CDC73: variants seen among roughly 807,000 people sequenced by gnomAD.
CDC73 encodes the protein cell division cycle 73.
A neutral mutation model predicts 83.7 loss-of-function variants in CDC73; 21 were observed. The ratio of observed to expected loss-of-function variants is 0.25; its 90% confidence interval spans 0.18 to 0.36. The LOEUF (loss-of-function observed/expected upper bound fraction) is 0.36. CDC73 is among the 10% of genes least tolerant of loss of function. The probability of loss-of-function intolerance (pLI) is 1.00; values close to 1 mark genes in which losing one functional copy is unlikely to be tolerated. For synonymous variants in CDC73, 224 were observed against 212.9 expected (o/e 1.05, Z -0.45); for missense variants, 342 against 653.3 (o/e 0.52, Z 5.19).
chr1:193,135,045 T>C (rs571850990), intron 3 of CDC73, among the ~76,000 whole-genome samples: 1 of 73,722 alleles, frequency 1.4e-5, no homozygotes, highest in Non-Finnish European at 4.3e-5. Context: ...TATATATGTG[T>C]GTGTATGTGT....
intron 2 of CDC73, 22 bp from the exon 3 acceptor site, chr1:193,130,152 T>TC: frequency 8.8e-7 from 1 of 1,131,304 alleles, no homozygotes; most frequent in African/African-American, 1.5e-5. Flanking sequence ...ATTTCATATC[T>TC]CATTTAAAAT....
chr1:193,169,405 C>T (rs796653270), intron 10 of CDC73, among the ~76,000 whole-genome samples: 83 of 152,040 alleles, frequency 5.5e-4, no homozygotes, highest in African/African-American at 1.8e-3. Context: ...ATTAGCTGGG[C>T]GTGGTGGCAC....
At chr1:193,182,731 C>T (rs1316021870) in intron 10 of CDC73, among the ~76,000 whole-genome samples, 1 of 152,018 alleles carries the variant, frequency 6.6e-6, no homozygotes, top group Non-Finnish European at 1.5e-5. Flanking sequence ...CAGTGCATAG[C>T]ACAGATTTGT....
chr1:193,166,875 A>G lies in CDC73; in HGVS notation c.972+14431A>G, dbSNP rs1676443971. Among the ~76,000 whole-genome samples the G allele has an allele frequency of 2.0e-5, 3 of 152,118 alleles. No homozygotes were observed. The South Asian group carries it at 6.2e-4, about 32-fold the overall frequency. ...TGGTCAGGCTGGTCACAAATTTTTA[A>G]TGACAAGTACAATGCATGATAATAA... On this transcript the variant is annotated intron_variant, in intron 10 of 16. Coordinates refer to ENST00000367435, the MANE Select transcript of CDC73 (RefSeq NM_024529.5).
At chr1:193,155,531 A>G (rs1676193092) in intron 10 of CDC73, among the ~76,000 whole-genome samples, 1 of 152,160 alleles carries the variant, frequency 6.6e-6, no homozygotes, top group South Asian at 2.1e-4. Flanking sequence ...TAATCCCAGC[A>G]CTTTGAGAGG....
At chr1:193,226,433 C>G (rs1280609202) in intron 13 of CDC73, among the ~76,000 whole-genome samples, 1 of 152,128 alleles carries the variant, frequency 6.6e-6, no homozygotes, top group Non-Finnish European at 1.5e-5. Context: ...TTTCCCCATT[C>G]AGAACTACGT....
intron 6 of CDC73, among the ~76,000 whole-genome samples, chr1:193,141,323 A>G (rs544443113): frequency 3.6e-4 from 55 of 152,316 alleles, no homozygotes; most frequent in African/African-American, 1.1e-3. Flanking sequence ...AGAAAACTGT[A>G]TAAAATATGG....
chr1:193,200,872 G>A (rs1161750644), intron 10 of CDC73, among the ~76,000 whole-genome samples: 2 of 152,128 alleles, frequency 1.3e-5, no homozygotes, highest in African/African-American at 4.8e-5. Flanking sequence ...CCGTTATGCA[G>A]TGACTACTCC....
At chr1:193,135,290 C>G (rs1046974673) in intron 3 of CDC73, 101 bp from the exon 4 acceptor site, 5 of 935,116 alleles carry the variant, frequency 5.3e-6, no homozygotes, top group South Asian at 2.8e-5. Flanking sequence ...AGAAAATCAC[C>G]ATATAGAAGT....
chr1:193,137,485 C>T (rs909879757), intron 5 of CDC73, among the ~76,000 whole-genome samples: 1 of 152,152 alleles, frequency 6.6e-6, no homozygotes, highest in Non-Finnish European at 1.5e-5. Flanking sequence ...AACAGCTTTT[C>T]AGACTAAATT....
At chr1:193,142,634 CCTTTCTCT>C (rs1675926259) in intron 7 of CDC73, among the ~76,000 whole-genome samples, 1 of 152,012 alleles carries the variant, frequency 6.6e-6, no homozygotes, top group East Asian at 1.9e-4. Context: ...CCCCCCTCCT[CCTTTCTCT>C]CTTTCTCCTC....
At chr1:193,225,111 C>T (rs1253550919) in intron 13 of CDC73, among the ~76,000 whole-genome samples, 1 of 151,976 alleles carries the variant, frequency 6.6e-6, no homozygotes, top group African/African-American at 2.4e-5. Context: ...TTAGCTCCCA[C>T]TTACAAATGA....
intron 13 of CDC73, among the ~76,000 whole-genome samples, chr1:193,231,890 C>G (rs1373469278): frequency 6.6e-6 from 1 of 152,062 alleles, no homozygotes; most frequent in East Asian, 1.9e-4. Flanking sequence ...ATGATACTCT[C>G]AATATATTGA....
intron 10 of CDC73, among the ~76,000 whole-genome samples, chr1:193,172,598 C>G (rs1304722659): frequency 6.6e-6 from 1 of 152,110 alleles, no homozygotes; most frequent in East Asian, 1.9e-4. Context: ...TTTTGACAAC[C>G]CGGGAACCAT....
intron 5 of CDC73, among the ~76,000 whole-genome samples, chr1:193,135,839 A>G (rs1275233816): frequency 1.3e-5 from 2 of 150,984 alleles, no homozygotes; most frequent in African/African-American, 4.9e-5. Flanking sequence ...CTATTGGCTC[A>G]AGGGTCAGAA....
intron 7 of CDC73, among the ~76,000 whole-genome samples, chr1:193,142,803 T>C (rs555474848): frequency 2.6e-5 from 4 of 152,332 alleles, no homozygotes; most frequent in Non-Finnish European, 2.9e-5. Context: ...AAAGGAGATA[T>C]GCACTTTATA....
chr1:193,144,152 A>G (rs894712441), intron 7 of CDC73, among the ~76,000 whole-genome samples: 3 of 146,498 alleles, frequency 2.0e-5, no homozygotes, highest in African/African-American at 5.0e-5. Flanking sequence ...AGGTATAAAT[A>G]TGTTATTATT....
At position 193,150,340 on chromosome 1, in the gene CDC73, G is replaced by A; in HGVS notation, c.865G>A (p.Ala289Thr). 6.2e-7 allele frequency: 1 copy of A among 1,613,434 alleles called. No homozygotes were observed. Among genetic ancestry groups the A allele is most frequent in the South Asian group, 1.1e-5 (1 of 91,068 alleles). The change falls in exon 9 of 17, where the codon GCC becomes ACC. Residue 289 changes from alanine to threonine, a missense_variant. By Grantham distance (58) the Ala-to-Thr change is moderately conservative. Coordinates refer to ENST00000367435, the MANE Select transcript of CDC73 (RefSeq NM_024529.5). ...GCGCACCAAACAGCCTATCCCAGCT[G>A]CCTATAACAGATACGATCAGGAAAG... ...TLRTKQPIPAAYNRYDQERFK... is the reference protein window; with the variant it reads ...TLRTKQPIPATYNRYDQERFK...
At chr1:193,224,501 A>ATT (rs1427042892) in intron 13 of CDC73, among the ~76,000 whole-genome samples, 2 of 152,060 alleles carry the variant, frequency 1.3e-5, no homozygotes. Flanking sequence ...CATATATGAA[A>ATT]TATGCATTCA....
Sources: gnomAD v4.1 joint callset for allele counts (sites outside exome capture counted in the v4.1 genomes callset) on GRCh38, gnomAD v4.1.1 for gene constraint, MANE v1.5 for transcripts, NCBI Gene and HGNC (gene_info 2026-07-23, HGNC 2026-07-21) for gene names.